CPNE9: variants seen among roughly 807,000 people sequenced by gnomAD.
CPNE9 encodes the protein copine-9.
In CPNE9, 59 loss-of-function variants were observed where a neutral mutation model predicts 83.0. The observed-to-expected ratio is 0.71, with a 90% CI of 0.58 to 0.88. CPNE9 has a LOEUF of 0.88. CPNE9 is among the 40% of genes least tolerant of loss of function. The pLI is 0.00. For missense variants in CPNE9, 619 were observed against 720.8 expected, an observed-to-expected ratio of 0.86 and a Z score of 1.62; for synonymous variants, 256 against 273.4, an observed-to-expected ratio of 0.94 and a Z score of 0.63.
chr3:9,725,626 ATATGTATATACATGTATGTGTATATATG>A (rs2076772193), intron 17 of CPNE9, among the ~76,000 whole-genome samples: 2 of 132,690 alleles, frequency 1.5e-5, no homozygotes, highest in African/African-American at 6.3e-5. Flanking sequence ...ATGTGTATAT[ATATGTATATACATGTATGTGTATATATG>A]TGTATATATG....
At chr3:9,727,552 C>G in intron 20 of CPNE9, 1 of 618,116 alleles carries the variant, frequency 1.6e-6, no homozygotes, top group South Asian at 1.9e-5. Flanking sequence ...GGAAAGGGTT[C>G]TTTAGCTTGC....
At position 9,704,571 on chromosome 3, in the gene CPNE9, T is replaced by C; in HGVS notation, c.69-16T>C. ...TCCAGGATGATCCACTCTGTCTGTC[T>C]GTTGCTTTTCTCTAGGAACCTGCTA... On this transcript the variant is annotated splice_polypyrimidine_tract_variant and intron_variant, in intron 1 of 20. Transcript: ENST00000383832. This position sits in a 1 kb window ranked among gnomAD's most constrained non-coding sequence, Gnocchi z 7.1. 6.2e-7 allele frequency: 1 copy of C among 1,611,422 alleles called. No homozygotes were observed. Among genetic ancestry groups the C allele is most frequent in the Non-Finnish European group, 8.5e-7 (1 of 1,177,508 alleles).
chr3:9,720,372 T>G (rs576361010), intron 17 of CPNE9, among the ~76,000 whole-genome samples: 32 of 151,330 alleles, frequency 2.1e-4, no homozygotes, highest in Admixed American at 7.2e-4. Context: ...GAAGATTTGT[T>G]TTTTTTTTAA....
chr3:9,710,239 C>T (rs2076613524), intron 7 of CPNE9, among the ~76,000 whole-genome samples: 1 of 152,136 alleles, frequency 6.6e-6, no homozygotes, highest in African/African-American at 2.4e-5. Context: ...AAGAGGTGAG[C>T]ATTACTGAAG....
intron 17 of CPNE9, among the ~76,000 whole-genome samples, chr3:9,722,605 G>T (rs146260696): frequency 1.3e-5 from 2 of 152,072 alleles, no homozygotes; most frequent in East Asian, 3.9e-4. Flanking sequence ...TGAACTCCTG[G>T]GCTCAAGCGA....
chr3:9,714,734 T>C (rs568022323), intron 10 of CPNE9, among the ~76,000 whole-genome samples, 180 bp from the exon 11 acceptor site: 5 of 149,882 alleles, frequency 3.3e-5, no homozygotes, highest in Admixed American at 6.6e-5. Flanking sequence ...GGGTAGGTGG[T>C]TGGGTACAGG....
intron 17 of CPNE9, among the ~76,000 whole-genome samples, chr3:9,724,924 T>C (rs2076764467): frequency 6.6e-6 from 1 of 151,876 alleles, no homozygotes; most frequent in Admixed American, 6.6e-5. Context: ...GCCTGGCTAG[T>C]TTTTGTATTT....
chr3:9,726,969 C>T lies in CPNE9; in HGVS notation c.1403-144C>T, dbSNP rs530184056. On this transcript the variant is annotated intron_variant, in intron 19 of 20. Transcript: ENST00000383832. The stretch of plus-strand genomic sequence containing the variant: ...AGGCATAATAATAGTAATAATAACT[C>T]CATAACGAAGACTGATATTTGTAGG... The T allele has an allele frequency of 1.6e-5, 14 of 897,074 alleles. No individual in the cohort carries two copies. The East Asian group carries it at 3.4e-4, about 22-fold the overall frequency. 55.6% of individuals were successfully genotyped at this position (897,074 alleles called of 1,614,324 possible).
At chr3:9,725,865 C>A in intron 17 of CPNE9, 84 bp from the exon 18 acceptor site, 1 of 1,037,384 alleles carries the variant, frequency 9.6e-7, no homozygotes, top group Non-Finnish European at 1.5e-6. Flanking sequence ...ACTGCCCACA[C>A]ACTGGCTGTG....
At chr3:9,726,811 A>G in intron 19 of CPNE9, 89 bp downstream of exon 19, 1 of 1,193,318 alleles carries the variant, frequency 8.4e-7, no homozygotes. Context: ...CTCACAGATG[A>G]CACAAGGTAG....
intron 17 of CPNE9, among the ~76,000 whole-genome samples, chr3:9,723,354 C>G (rs910697751): frequency 2.0e-5 from 3 of 151,994 alleles, no homozygotes; most frequent in African/African-American, 7.3e-5. Context: ...CGCCTGTAAT[C>G]CCAGCTATTC....
chr3:9,715,541 G>C lies in CPNE9; in HGVS notation c.822+15G>C. 6.2e-7 allele frequency: 1 copy of C among 1,610,760 alleles called. No homozygotes were observed. The highest frequency in any genetic ancestry group is 8.5e-7 in the Non-Finnish European group (1 of 1,176,996). On this transcript the variant is annotated intron_variant, in intron 13 of 20. Transcript: ENST00000383832. ...ACTCAGGAACTGTGAGTGCTCCCTAGAGCCGTGGCCCTCCCTGGATCCTTC... is the reference window on the plus strand; with the variant it reads ...ACTCAGGAACTGTGAGTGCTCCCTACAGCCGTGGCCCTCCCTGGATCCTTC...
chr3:9,726,080 G>T, intron 18 of CPNE9, 29 bp downstream of exon 18: 1 of 1,419,140 alleles, frequency 7.0e-7, no homozygotes, highest in Non-Finnish European at 9.8e-7. Context: ...GCTTGGCAGG[G>T]AGGAGTAATG....
intron 7 of CPNE9, among the ~76,000 whole-genome samples, chr3:9,709,420 G>A (rs2076601173): frequency 6.8e-6 from 1 of 147,440 alleles, no homozygotes; most frequent in South Asian, 2.2e-4. Flanking sequence ...CTGGAGTGCA[G>A]TGGTGTGGTG....
At chr3:9,705,697 T>C in intron 5 of CPNE9, 21 bp from the exon 6 acceptor site, 1 of 1,613,946 alleles carries the variant, frequency 6.2e-7, no homozygotes, top group Non-Finnish European at 8.5e-7. Flanking sequence ...CCTTCTTGGC[T>C]GCCACTGCTG....
intron 15 of CPNE9, 84 bp from the exon 16 acceptor site, chr3:9,717,945 G>A (rs2076699474): frequency 8.4e-7 from 1 of 1,187,316 alleles, no homozygotes; most frequent in Non-Finnish European, 1.2e-6. Flanking sequence ...ATGGATATAG[G>A]TGGATGAATG....
chr3:9,709,430 G>GCA (rs2076601383), intron 7 of CPNE9, among the ~76,000 whole-genome samples: 1 of 147,564 alleles, frequency 6.8e-6, no homozygotes, highest in South Asian at 2.2e-4. Flanking sequence ...GTGGTGTGGT[G>GCA]TGATCTTGGC....
At chr3:9,710,647 C>T (rs1559637867) in intron 7 of CPNE9, among the ~76,000 whole-genome samples, 2 of 152,160 alleles carry the variant, frequency 1.3e-5, no homozygotes, top group East Asian at 3.9e-4. Flanking sequence ...TTTTGTCTGG[C>T]CATGTTCAGT....
At chr3:9,706,463 C>G (rs2076565871) in intron 7 of CPNE9, among the ~76,000 whole-genome samples, 1 of 152,166 alleles carries the variant, frequency 6.6e-6, no homozygotes. Context: ...ACACCCTGTT[C>G]TAGGCACCAG....
Sources: gnomAD v4.1 joint callset for allele counts (sites outside exome capture counted in the v4.1 genomes callset) on GRCh38, gnomAD v4.1.1 for gene constraint, Gnocchi (gnomAD v3.1) non-coding constraint, MANE v1.5 for transcripts, NCBI Gene and HGNC (gene_info 2026-07-23, HGNC 2026-07-21) for gene names.